The following GRM7 variants were observed in gnomAD, a reference collection of about 807,000 sequenced individuals.
GRM7 encodes metabotropic glutamate receptor 7.
Under a neutral mutation model 84.5 loss-of-function variants are expected in GRM7, and 35 were observed. The ratio of observed to expected loss-of-function variants is 0.41; its 90% CI spans 0.32 to 0.55. The LOEUF (loss-of-function observed/expected upper bound fraction) is 0.55. Ranked by LOEUF, GRM7 falls within the 20% of genes least tolerant of loss-of-function variation. The pLI, the probability that GRM7 is intolerant of heterozygous loss-of-function variation, is 0.19. For synonymous variants in GRM7, 487 were observed against 455.1 expected (o/e 1.07, Z -0.89); for missense variants, 1,003 against 1,194.6 (o/e 0.84, Z 2.36).
chr3:7,146,725 A>G (rs1694122566), intron 2 of GRM7, 57 bp downstream of exon 2: 2 of 1,236,862 alleles, frequency 1.6e-6, no homozygotes, highest in African/African-American at 1.5e-5. Context: ...TGGCTTGTAG[A>G]GTTCTCTTCA....
chr3:7,558,562 T>A (rs1288158542), intron 7 of GRM7, among the ~76,000 whole-genome samples: 1 of 152,132 alleles, frequency 6.6e-6, no homozygotes, highest in African/African-American at 2.4e-5. Flanking sequence ...ATTATTATGC[T>A]CAGAAAGTTT....
intron 9 of GRM7, among the ~76,000 whole-genome samples, chr3:7,682,610 C>T (rs1376278161): frequency 6.6e-6 from 1 of 150,824 alleles, no homozygotes; most frequent in Admixed American, 6.6e-5. Context: ...AAGCAGAAAA[C>T]ATAATTGGAG....
intron 1 of GRM7, among the ~76,000 whole-genome samples, chr3:7,092,294 A>T (rs1390640781): frequency 6.6e-6 from 1 of 152,226 alleles, no homozygotes; most frequent in Non-Finnish European, 1.5e-5. Flanking sequence ...CTAAATAGAG[A>T]TAGTTCCTTA....
chr3:7,019,894 G>T (rs1395163455), intron 1 of GRM7, among the ~76,000 whole-genome samples: 1 of 152,192 alleles, frequency 6.6e-6, no homozygotes, highest in Non-Finnish European at 1.5e-5. Context: ...CCTACTATAT[G>T]GTCAGGTGGT....
chr3:6,930,683 T>C (rs1365600294), intron 1 of GRM7, among the ~76,000 whole-genome samples: 2 of 152,156 alleles, frequency 1.3e-5, no homozygotes, highest in Non-Finnish European at 2.9e-5. Context: ...GGGGCTCTGT[T>C]CTCAGTTCAC....
chr3:7,100,842 G>T (rs546682225), intron 1 of GRM7, among the ~76,000 whole-genome samples: 2 of 151,814 alleles, frequency 1.3e-5, no homozygotes, highest in South Asian at 4.1e-4. Flanking sequence ...TGATAGATTT[G>T]GTTTGCCTAG....
Position 7,179,252 on chromosome 3 carries a change from C to T in GRM7, c.736+32584C>T, listed in dbSNP as rs143881852. On this transcript the variant is annotated intron_variant, in intron 2 of 9. Coordinates refer to ENST00000357716, the MANE Select transcript of GRM7 (RefSeq NM_000844.4). The stretch of plus-strand genomic sequence containing the variant: ...TTGACTCCCTAACTCCCAACTGCAC[C>T]GACACAAAACACCATGGGGCATGAG... Among the ~76,000 whole-genome samples the T allele has an allele frequency of 7.7e-3, 1,165 of 152,246 alleles. 6 individuals carry two copies. The highest frequency in any genetic ancestry group is 8.9e-3 in the Non-Finnish European group (605 of 68,024).
intron 1 of GRM7, among the ~76,000 whole-genome samples, chr3:7,120,845 A>G (rs1693193374): frequency 6.6e-6 from 1 of 152,152 alleles, no homozygotes; most frequent in Non-Finnish European, 1.5e-5. Context: ...AATAGTTTTT[A>G]TTTGTTAGAA....
intron 8 of GRM7, among the ~76,000 whole-genome samples, chr3:7,633,770 GTAATGTCTGATT>G (rs560302217): frequency 3.3e-5 from 5 of 152,224 alleles, no homozygotes; most frequent in African/African-American, 9.6e-5. Context: ...TTCTTTGTAT[GTAATGTCTGATT>G]TGTCAACAAA....
intron 2 of GRM7, among the ~76,000 whole-genome samples, chr3:7,161,112 C>A (rs992953681): frequency 2.0e-5 from 3 of 152,000 alleles, no homozygotes; most frequent in Non-Finnish European, 4.4e-5. Context: ...AGCTAAGAAC[C>A]AGACAGCCTT....
chr3:7,046,979 G>A (rs1194988848), intron 1 of GRM7, among the ~76,000 whole-genome samples: 1 of 151,988 alleles, frequency 6.6e-6, no homozygotes, highest in African/African-American at 2.4e-5. Flanking sequence ...CTGAAAACAG[G>A]AAGGGGATAT....
At chr3:7,314,112 A>G (rs1038414351) in intron 4 of GRM7, among the ~76,000 whole-genome samples, 1 of 152,186 alleles carries the variant, frequency 6.6e-6, no homozygotes, top group Non-Finnish European at 1.5e-5. Flanking sequence ...GAATAAGCAC[A>G]TCTGACACTG....
At chr3:7,572,499 C>T (rs1163088905) in intron 7 of GRM7, among the ~76,000 whole-genome samples, 2 of 151,826 alleles carry the variant, frequency 1.3e-5, no homozygotes, top group Non-Finnish European at 2.9e-5. Flanking sequence ...TCTATGGATG[C>T]CCAGGGTCTA....
intron 2 of GRM7, among the ~76,000 whole-genome samples, chr3:7,240,577 G>A (rs1697521598): frequency 6.6e-6 from 1 of 152,090 alleles, no homozygotes; most frequent in Admixed American, 6.6e-5. Flanking sequence ...ATATGTCTCA[G>A]GCTTCAAACC....
chr3:7,078,537 C>T (rs1367613982), intron 1 of GRM7, among the ~76,000 whole-genome samples: 1 of 152,136 alleles, frequency 6.6e-6, no homozygotes, highest in Non-Finnish European at 1.5e-5. Context: ...TTTGCTCACC[C>T]ATGCCTGTAT....
chr3:7,075,496 ATGTGTGTGTG>A (rs376048569), intron 1 of GRM7, among the ~76,000 whole-genome samples: 5,396 of 138,528 alleles, frequency 0.039, 145 homozygotes, highest in East Asian at 0.088. Flanking sequence ...TGCTTCTCAG[ATGTGTGTGTG>A]TGTGTGTGTG....
chr3:7,306,504 C>A lies in GRM7; in HGVS notation c.885C>A (p.Ile295=), dbSNP rs763948566. The A allele has an allele frequency of 6.2e-7, 1 of 1,613,538 alleles. No individual in the cohort carries two copies. The highest frequency in any genetic ancestry group is 8.5e-7 in the Non-Finnish European group (1 of 1,179,532). The change falls in exon 4 of 10, where the codon ATC becomes ATA. Residue 295 remains isoleucine, a synonymous_variant. Coordinates refer to ENST00000357716, the MANE Select transcript of GRM7 (RefSeq NM_000844.4). ...TCCATATTTCTTTCCACAGGCAGAT[C>A]CTTGCAGCAGCCAAAAGAGCTGACC... ...IFANDEDIKQ[I]LAAAKRADQV... is the part of the protein sequence containing the mutation.
intron 7 of GRM7, among the ~76,000 whole-genome samples, chr3:7,552,486 T>C (rs1240358776): frequency 1.3e-5 from 2 of 152,200 alleles, no homozygotes; most frequent in African/African-American, 4.8e-5. Context: ...TGCACTGCCC[T>C]AGCAGAGGTC....
chr3:6,907,822 C>T (rs914612332), intron 1 of GRM7, among the ~76,000 whole-genome samples: 4 of 152,108 alleles, frequency 2.6e-5, no homozygotes, highest in Admixed American at 6.6e-5. Flanking sequence ...CTTCATTCAA[C>T]CTTCTTCAGG....
Sources: gnomAD v4.1 joint callset for allele counts (sites outside exome capture counted in the v4.1 genomes callset) on GRCh38, gnomAD v4.1.1 for gene constraint, MANE v1.5 for transcripts, NCBI Gene and HGNC (gene_info 2026-07-23, HGNC 2026-07-21) for gene names.